The following BBS7 variants were observed in gnomAD, a reference collection of about 807,000 sequenced individuals.
BBS7 encodes Bardet-Biedl syndrome 7.
BBS7 carries 50 observed loss-of-function variants against 90.3 expected under a neutral mutation model. That is an observed-to-expected ratio of 0.55 (90% CI 0.44 to 0.70). The LOEUF (loss-of-function observed/expected upper bound fraction) is 0.70, where lower values mean the gene tolerates loss of function less well. BBS7 is among the 30% of genes least tolerant of loss of function. BBS7 has a pLI of 0.00. For missense variants in BBS7, 729 were observed against 838.9 expected (o/e 0.87, Z 1.62); for synonymous variants, 235 against 287.4 (o/e 0.82, Z 1.85).
chr4:121,863,147 T>G, intron 3 of BBS7, 70 bp downstream of exon 3: 15 of 1,452,292 alleles, frequency 1.0e-5, no homozygotes, highest in Non-Finnish European at 1.2e-5. Flanking sequence ...ATTTTTAACC[T>G]AGTATTATTC....
At chr4:121,856,403 G>C (rs1726671720) in intron 5 of BBS7, among the ~76,000 whole-genome samples, 1 of 152,170 alleles carries the variant, frequency 6.6e-6, no homozygotes, top group Non-Finnish European at 1.5e-5. Flanking sequence ...AAATATCCAT[G>C]ATCTATAATT....
intron 2 of BBS7, among the ~76,000 whole-genome samples, chr4:121,864,843 A>C (rs1234590877): frequency 6.6e-6 from 1 of 152,182 alleles, no homozygotes; most frequent in Non-Finnish European, 1.5e-5. Flanking sequence ...ACATATACTG[A>C]TCACACTGGG....
intron 2 of BBS7, among the ~76,000 whole-genome samples, chr4:121,866,942 A>AT (rs1026201511): frequency 1.3e-5 from 2 of 151,422 alleles, no homozygotes; most frequent in Admixed American, 1.3e-4. Context: ...AAATTTTAAG[A>AT]TTTTTTTTCT....
At chr4:121,842,101 A>T (rs1420618911) in intron 12 of BBS7, among the ~76,000 whole-genome samples, 2 of 151,660 alleles carry the variant, frequency 1.3e-5, no homozygotes, top group Non-Finnish European at 2.9e-5. Flanking sequence ...AAAATACAAA[A>T]ATTAGCCGGG....
chr4:121,864,218 C>T (rs1727140795), intron 2 of BBS7, among the ~76,000 whole-genome samples: 1 of 152,182 alleles, frequency 6.6e-6, no homozygotes, highest in Non-Finnish European at 1.5e-5. Context: ...ACTCTGGGAG[C>T]TCTGATTTAA....
chr4:121,827,194 C>T (rs1257457287), intron 18 of BBS7, among the ~76,000 whole-genome samples: 1 of 152,124 alleles, frequency 6.6e-6, no homozygotes, highest in Non-Finnish European at 1.5e-5. Flanking sequence ...TAAAAGAGAT[C>T]ATGTGCTTGT....
chr4:121,854,766 A>AT lies in BBS7; in HGVS notation c.655dup (p.Ile219AsnfsTer17), dbSNP rs1267198283. ...TACTGGTTTGGATGTAGTAATCTGT[A>AT]TAAGCGCAAGTTTTCCGTCTGATGT... On this transcript the variant is annotated frameshift_variant, in exon 7 of 19. Coordinates refer to ENST00000264499, the MANE Select transcript of BBS7 (RefSeq NM_176824.3). LOFTEE classifies it high-confidence loss of function. 1.2e-6 allele frequency: 2 copies of AT among 1,612,770 alleles called. No homozygotes were observed. The highest frequency in any genetic ancestry group is 1.7e-6 in the Non-Finnish European group (2 of 1,179,216).
In BBS7 at chr4:121,839,673, G is replaced by C; in HGVS notation, c.1329C>G (p.Ala443=). The C allele has an allele frequency of 6.2e-7, 1 of 1,613,800 alleles. No individual in the cohort carries two copies. The highest frequency in any genetic ancestry group is 8.5e-7 in the Non-Finnish European group (1 of 1,179,792). ...TAGTATCTGCCTGGCACCGATAAGTGGCAAGAAGGAAGTTGTCGTTTGACT... is the reference window on the plus strand; with the variant it reads ...TAGTATCTGCCTGGCACCGATAAGTCGCAAGAAGGAAGTTGTCGTTTGACT... ...DSESNDNFLL[A]TYRCQADTTR... The change falls in exon 13 of 19, where the codon GCC becomes GCG. Residue 443 remains alanine (A), a synonymous_variant. Coordinates refer to ENST00000264499, the MANE Select transcript of BBS7 (RefSeq NM_176824.3).
chr4:121,854,574 G>C, intron 7 of BBS7, 130 bp downstream of exon 7: 1 of 837,690 alleles, frequency 1.2e-6, no homozygotes, highest in Non-Finnish European at 1.7e-6. Context: ...TAAACAAATA[G>C]TAGATAAATC....
At chr4:121,839,500 A>T in intron 13 of BBS7, 131 bp downstream of exon 13, 1 of 790,960 alleles carries the variant, frequency 1.3e-6, no homozygotes, top group Non-Finnish European at 2.1e-6. Flanking sequence ...GTCATTCAAA[A>T]TTCATTACTC....
At chr4:121,827,850 A>G in intron 18 of BBS7, 3 of 1,045,692 alleles carry the variant, frequency 2.9e-6, no homozygotes, top group Non-Finnish European at 3.5e-6. Context: ...AAAGGTTCAT[A>G]GATTACATTC....
Position 121,854,740 on chromosome 4 carries a change from G to A in BBS7, c.682C>T (p.Arg228Cys), listed in dbSNP as rs762367354. 1.1e-5 allele frequency: 17 copies of A among 1,612,168 alleles called. No homozygotes were observed. The highest frequency in any genetic ancestry group is 1.7e-4 in the Middle Eastern group (1 of 6,050). The stretch of plus-strand genomic sequence containing the variant: ...TTCTCATTTTGAATTTCCCACTTGC[G>A]TACTGGTTTGGATGTAGTAATCTGT... Reference protein sequence around the residue: ...LIQITTSKPVRKWEIQNEKKR... With the variant: ...LIQITTSKPVCKWEIQNEKKR... Residue 228 changes from arginine to cysteine, a missense_variant, in exon 7 of 19, where the codon CGC (arginine) becomes TGC (cysteine). By Grantham distance (180) the Arg-to-Cys change is radical. Coordinates refer to ENST00000264499, the MANE Select transcript of BBS7 (RefSeq NM_176824.3).
chr4:121,827,939 A>C (rs1334794508), intron 18 of BBS7: 5 of 1,355,050 alleles, frequency 3.7e-6, no homozygotes, highest in Non-Finnish European at 4.7e-6. Flanking sequence ...GCATTTTATC[A>C]AGTAAAAGAA....
intron 9 of BBS7, among the ~76,000 whole-genome samples, chr4:121,847,808 C>G (rs1726093010): frequency 6.6e-6 from 1 of 151,936 alleles, no homozygotes; most frequent in Non-Finnish European, 1.5e-5. Flanking sequence ...TCAACATAGT[C>G]TAGCAATTTC....
chr4:121,844,930 C>T (rs544240758), intron 11 of BBS7, among the ~76,000 whole-genome samples: 2 of 152,236 alleles, frequency 1.3e-5, no homozygotes, highest in East Asian at 1.9e-4. Flanking sequence ...AGAAGAAAAA[C>T]CTTACTGTCT....
rs978133400 is a variant in BBS7, at chr4:121,845,758, G to C, written c.1038-62C>G. On this transcript the variant is annotated intron_variant, in intron 10 of 18. Transcript: ENST00000264499. ...TATAAACATTTGAGGTCGTTAGGAT[G>C]TTTACAAAAATTTGAGACATTTGCT... The C allele has an allele frequency of 9.0e-6, 13 of 1,451,474 alleles. No individual in the cohort carries two copies. The African/African-American group carries it at 1.8e-4, about 20-fold the overall frequency. The allele number at this position is 1,451,474 out of a possible 1,614,324, so 89.9% of individuals were successfully genotyped here.
At chr4:121,868,640 C>CA (rs1404329439) in intron 1 of BBS7, among the ~76,000 whole-genome samples, 5 of 124,810 alleles carry the variant, frequency 4.0e-5, no homozygotes, top group Non-Finnish European at 7.8e-5. Context: ...ATGATCATGC[C>CA]ACTGTACTCC....
At chr4:121,867,359 C>T (rs1303029842) in intron 2 of BBS7, among the ~76,000 whole-genome samples, 5 of 152,062 alleles carry the variant, frequency 3.3e-5, no homozygotes, top group East Asian at 1.9e-4. Context: ...ATCATGTCAT[C>T]GGCAAACAGA....
Position 121,830,362 on chromosome 4 carries a change from C to T in BBS7, c.1677-1634G>A, listed in dbSNP as rs143252427. On this transcript the variant is annotated intron_variant, in intron 15 of 18. Coordinates refer to ENST00000264499, the MANE Select transcript of BBS7 (RefSeq NM_176824.3). ...GTTGCAGTGAGCTGAGATTGAGACA[C>T]TGCACTCCAGCCTGGGCTGATGAGT... Among the ~76,000 whole-genome samples the T allele has an allele frequency of 6.2e-3, 941 of 152,268 alleles. 5 individuals carry two copies. The highest frequency in any genetic ancestry group is 0.01 in the Middle Eastern group (3 of 294).
Sources: allele counts gnomAD v4.1 joint callset (sites outside exome capture counted in the v4.1 genomes callset), GRCh38; gene constraint gnomAD v4.1.1; transcripts MANE v1.5; gene names NCBI Gene and HGNC (gene_info 2026-07-23, HGNC 2026-07-21).